CHRNG: variants seen among roughly 807,000 people sequenced by gnomAD.
CHRNG encodes cholinergic receptor nicotinic gamma subunit, also known as acetylcholine receptor subunit gamma.
CHRNG carries 72 observed loss-of-function variants against 65.2 expected under a neutral mutation model. The observed-to-expected ratio is 1.10, with a 90% confidence interval of 0.91 to 1.34. The LOEUF is 1.34. CHRNG is among the 40% of genes most tolerant of loss of function. The probability of loss-of-function intolerance (pLI) is 0.00; values close to 1 mark genes in which losing one functional copy is unlikely to be tolerated. For missense variants in CHRNG, 637 were observed against 680.1 expected (o/e 0.94, Z 0.70); for synonymous variants, 284 against 290.2 (o/e 0.98, Z 0.22).
Position 232,540,073 on chromosome 2 carries a change from G to A in CHRNG, c.137G>A (p.Arg46Gln), listed in dbSNP as rs755148348. The A allele has an allele frequency of 6.2e-6, 10 of 1,614,064 alleles. No individual in the cohort carries two copies. The highest frequency in any genetic ancestry group is 2.2e-5 in the East Asian group (1 of 44,896). ...NYDPNLRPAE[R>Q]DSDVVNVSLK... ...GACCCCAACCTGCGGCCCGCGGAAC[G>A]AGACTCGGATGTGGTCAATGTCAGC... is the stretch of plus-strand genomic sequence containing the variant. Residue 46 changes from arginine to glutamine, a missense_variant, in exon 2 of 12, where the codon CGA becomes CAA. Physicochemically the swap from Arg to Gln is conservative, Grantham distance 43. Transcript: ENST00000651502. The surrounding 1 kb of genome is among the most constrained non-coding windows in gnomAD (Gnocchi z 4.2).
rs759506724 is a variant in CHRNG, at chr2:232,541,356, C to T, written c.351-18C>T. ...CTGAGCCCACAGCCTCGTGGCCTGG[C>T]CTGTTCTGTGCATACAGCGTGGACG... is the stretch of plus-strand genomic sequence containing the variant. On this transcript the variant is annotated intron_variant, in intron 4 of 11. Coordinates refer to ENST00000651502, the MANE Select transcript of CHRNG (RefSeq NM_005199.5). This position sits in a 1 kb window ranked among gnomAD's most constrained non-coding sequence, Gnocchi z 4.0. 6.2e-7 allele frequency: 1 copy of T among 1,613,884 alleles called. No homozygotes were observed. Among genetic ancestry groups the T allele is most frequent in the South Asian group, 1.1e-5 (1 of 91,078 alleles).
At chr2:232,544,257 C>T (rs1692078009) in intron 9 of CHRNG, 110 bp from the exon 10 acceptor site, 16 of 861,580 alleles carry the variant, frequency 1.9e-5, no homozygotes, top group Non-Finnish European at 2.6e-5. Flanking sequence ...CACGTCACTG[C>T]CCCGGTATGC....
chr2:232,545,619 G>A lies in CHRNG; in HGVS notation c.1457G>A (p.Cys486Tyr), dbSNP rs751750221. The change falls in exon 12 of 12, where the codon TGT (cysteine) becomes TAT (tyrosine). Residue 486 changes from cysteine (C) to tyrosine (Y), a missense_variant. By Grantham distance (194) the Cys-to-Tyr change is radical. Coordinates refer to ENST00000651502, the MANE Select transcript of CHRNG (RefSeq NM_005199.5). ...CTGGCCATGCTCTCGCTCTTCATCTGTGGCACAGCTGGCATCTTCCTCATG... is the reference window on the plus strand; with the variant it reads ...CTGGCCATGCTCTCGCTCTTCATCTATGGCACAGCTGGCATCTTCCTCATG... The part of the protein sequence containing the change: ...CFLAMLSLFI[C>Y]GTAGIFLMAH... 52 of 1,614,030 alleles carry A rather than the reference G, an allele frequency of 3.2e-5. No homozygotes were observed. The highest frequency in any genetic ancestry group is 4.1e-5 in the Non-Finnish European group (48 of 1,180,038).
Position 232,545,756 on chromosome 2 carries a change from TG to T in CHRNG, c.*43del, listed in dbSNP as rs749601749. 2 of 1,606,064 alleles carry T rather than the reference TG, an allele frequency of 1.2e-6. No individual in the cohort carries two copies. Among genetic ancestry groups the T allele is most frequent in the African/African-American group, 1.3e-5 (1 of 74,934 alleles). On this transcript the variant is annotated 3_prime_UTR_variant, in exon 12 of 12. Coordinates refer to ENST00000651502, the MANE Select transcript of CHRNG (RefSeq NM_005199.5). ...GTGGGGCATGTGGGAGTCACACACG[TG>T]GGTCACACTGAGTCTTATCAGCCAC...
rs776737697 is a variant in CHRNG, at chr2:232,541,350, G to A, written c.351-24G>A. 6 of 1,613,786 alleles carry A rather than the reference G, an allele frequency of 3.7e-6. No homozygotes were observed. In the East Asian group the frequency reaches 6.7e-5, roughly 18 times the overall value. ...CGGGGGCTGAGCCCACAGCCTCGTGGCCTGGCCTGTTCTGTGCATACAGCG... is the reference window on the plus strand; with the variant it reads ...CGGGGGCTGAGCCCACAGCCTCGTGACCTGGCCTGTTCTGTGCATACAGCG... On this transcript the variant is annotated intron_variant, in intron 4 of 11. Transcript: ENST00000651502. The surrounding 1 kb of genome is among the most constrained non-coding windows in gnomAD (Gnocchi z 4.0).
Position 232,545,803 on chromosome 2 carries a change from A to G in CHRNG, c.*87A>G. 1 of 1,459,440 alleles carries G rather than the reference A, an allele frequency of 6.9e-7. No individual in the cohort carries two copies. The highest frequency in any genetic ancestry group is 9.6e-7 in the Non-Finnish European group (1 of 1,045,260). The allele number at this position is 1,459,440 out of a possible 1,614,324, so 90.4% of individuals were successfully genotyped here. A position where few individuals can be genotyped will look rare whatever the true frequency, so the allele number is the denominator to read the frequency against. On this transcript the variant is annotated 3_prime_UTR_variant, in exon 12 of 12. Transcript: ENST00000651502. ...GCCACGTTCTCCTACTGAGGTCCTAAGTGTGCTCTTTGGGAAGTGCCCTTC... is the reference window on the plus strand; with the variant it reads ...GCCACGTTCTCCTACTGAGGTCCTAGGTGTGCTCTTTGGGAAGTGCCCTTC...
In CHRNG at chr2:232,545,814, T is replaced by G; in HGVS notation, c.*98T>G. ...CTACTGAGGTCCTAAGTGTGCTCTT[T>G]GGGAAGTGCCCTTCAGGACTGTGTG... On this transcript the variant is annotated 3_prime_UTR_variant, in exon 12 of 12. Coordinates refer to ENST00000651502, the MANE Select transcript of CHRNG (RefSeq NM_005199.5). 7.3e-7 allele frequency: 1 copy of G among 1,365,644 alleles called. No individual in the cohort carries two copies. Among genetic ancestry groups the G allele is most frequent in the Non-Finnish European group, 1.0e-6 (1 of 963,394 alleles). 84.6% of individuals were successfully genotyped at this position (1,365,644 alleles called of 1,614,324 possible).
chr2:232,543,648 T>C lies in CHRNG; in HGVS notation c.984T>C (p.Asn328=). The C allele has an allele frequency of 6.2e-7, 1 of 1,613,992 alleles. No individual in the cohort carries two copies. The highest frequency in any genetic ancestry group is 8.5e-7 in the Non-Finnish European group (1 of 1,179,912). ...TCGTGAATGCTGTGGTTGTGCTCAA[T>C]GTCTCCTTGCGGTCTCCACACACAC... ...LIVVNAVVVL[N]VSLRSPHTHS... is the part of the protein sequence containing the mutation. Residue 328 remains asparagine, a synonymous_variant, in exon 9 of 12, where the codon AAT becomes AAC. Coordinates refer to ENST00000651502, the MANE Select transcript of CHRNG (RefSeq NM_005199.5).
At position 232,544,786 on chromosome 2, in the gene CHRNG, T is replaced by C; in HGVS notation, c.1264T>C (p.Leu422=). The change falls in exon 11 of 12, where the codon TTA becomes CTA. Residue 422 remains leucine, a synonymous_variant. Coordinates refer to ENST00000651502, the MANE Select transcript of CHRNG (RefSeq NM_005199.5). ...ALEKLEKGPE[L]GLSQFCGSLK... is the part of the protein sequence containing the mutation. ...CTCTTTATCAGAGAAAGGCCCGGAG[T>C]TAGGGCTGAGCCAGTTCTGTGGCAG... The C allele has an allele frequency of 5.0e-6, 8 of 1,613,926 alleles. No homozygotes were observed. Among genetic ancestry groups the C allele is most frequent in the Non-Finnish European group, 6.8e-6 (8 of 1,179,978 alleles).
Position 232,541,663 on chromosome 2 carries a change from C to A in CHRNG, c.506+134C>A. On this transcript the variant is annotated intron_variant, in intron 5 of 11. Transcript: ENST00000651502. The surrounding 1 kb of genome is among the most constrained non-coding windows in gnomAD (Gnocchi z 4.0). The stretch of plus-strand genomic sequence containing the variant: ...GAGGCCTGGCTCCATCTCCCCTGGG[C>A]CTCTGTGCCCATCTCAGGCTAAGAC... 9.0e-7 allele frequency: 1 copy of A among 1,105,618 alleles called. No homozygotes were observed. Among genetic ancestry groups the A allele is most frequent in the Non-Finnish European group, 1.4e-6 (1 of 738,778 alleles). 68.5% of individuals were successfully genotyped at this position (1,105,618 alleles called of 1,614,324 possible).
chr2:232,543,481 C>T (rs952623141), intron 8 of CHRNG, 92 bp downstream of exon 8: 1 of 984,920 alleles, frequency 1.0e-6, no homozygotes, highest in African/African-American at 2.9e-5. Context: ...CCTCCATCCA[C>T]CCCCCCCATC....
rs772412938 is a variant in CHRNG at position 232,543,711 on chromosome 2, C to T, written c.1035+12C>T. ...GAGGGGTCCGCAAGGCAAGGACCCT[C>T]CCTGCCCACTTCAACATCCCGCTGC... is the stretch of plus-strand genomic sequence containing the variant. On this transcript the variant is annotated intron_variant, in intron 9 of 11. Coordinates refer to ENST00000651502, the MANE Select transcript of CHRNG (RefSeq NM_005199.5). The T allele has an allele frequency of 2.0e-5, 30 of 1,519,978 alleles. No homozygotes were observed. The highest frequency in any genetic ancestry group is 2.6e-5 in the Non-Finnish European group (28 of 1,094,732). The allele number at this position is 1,519,978 out of a possible 1,614,324, so 94.2% of individuals were successfully genotyped here. A position where few individuals can be genotyped will look rare whatever the true frequency, so the allele number is the denominator to read the frequency against.
chr2:232,542,981 T>C lies in CHRNG; in HGVS notation c.704T>C (p.Leu235Pro), dbSNP rs1290080982. The C allele has an allele frequency of 1.2e-6, 2 of 1,614,092 alleles. No individual in the cohort carries two copies. Among genetic ancestry groups the C allele is most frequent in the East Asian group, 2.2e-5 (1 of 44,890 alleles). Residue 235 changes from leucine (L) to proline (P), a missense_variant, in exon 7 of 12, where the codon CTG (leucine) becomes CCG (proline). Coordinates refer to ENST00000651502, the MANE Select transcript of CHRNG (RefSeq NM_005199.5). ...EAGHQKVVFY[L>P]LIQRKPLFYV... ...GGCCACCAGAAGGTGGTGTTCTACC[T>C]GCTCATCCAGCGCAAGCCCCTCTTC...
chr2:232,542,575 C>A, intron 6 of CHRNG, 55 bp downstream of exon 6: 1 of 1,249,760 alleles, frequency 8.0e-7, no homozygotes, highest in South Asian at 1.2e-5. Flanking sequence ...CCTGCTGGAC[C>A]CAGCTGTGGT....
intron 8 of CHRNG, 76 bp downstream of exon 8, chr2:232,543,465 T>C (rs1220499910): frequency 2.4e-6 from 3 of 1,267,822 alleles, no homozygotes; most frequent in Non-Finnish European, 3.4e-6. Flanking sequence ...TGCATTGCCC[T>C]CTTGCCCTCC....
intron 10 of CHRNG, 32 bp downstream of exon 10, chr2:232,544,612 C>G (rs761112171): frequency 6.3e-7 from 1 of 1,589,086 alleles, no homozygotes; most frequent in Non-Finnish European, 8.6e-7. Flanking sequence ...TGGGGACAGT[C>G]CTCCCCTGGG....
chr2:232,543,452 T>C, intron 8 of CHRNG, 63 bp downstream of exon 8: 1 of 1,334,284 alleles, frequency 7.5e-7, no homozygotes, highest in Non-Finnish European at 1.1e-6. Context: ...CATGATGGCC[T>C]CCTGCATTGC....
In CHRNG at chr2:232,543,713, C is replaced by T; in HGVS notation, c.1035+14C>T. 2 of 1,488,082 alleles carry T rather than the reference C, an allele frequency of 1.3e-6. No individual in the cohort carries two copies. The highest frequency in any genetic ancestry group is 1.9e-6 in the Non-Finnish European group (2 of 1,065,524). The allele number at this position is 1,488,082 out of a possible 1,614,324, so 92.2% of individuals were successfully genotyped here. A position where few individuals can be genotyped will look rare whatever the true frequency, so the allele number is the denominator to read the frequency against. ...GGGGTCCGCAAGGCAAGGACCCTCC[C>T]TGCCCACTTCAACATCCCGCTGCCC... On this transcript the variant is annotated intron_variant, in intron 9 of 11. Coordinates refer to ENST00000651502, the MANE Select transcript of CHRNG (RefSeq NM_005199.5).
Position 232,547,884 on chromosome 2 carries a change from A to G in CHRNG, c.*2168A>G. On this transcript the variant is annotated 3_prime_UTR_variant, in exon 12 of 12. Transcript: ENST00000651502. ...AGTTACTGTCTCATGGGATCCATACAGCAACCTAAGGAGGTAGGTCGAGGC... is the reference window on the plus strand; with the variant it reads ...AGTTACTGTCTCATGGGATCCATACGGCAACCTAAGGAGGTAGGTCGAGGC... 1 of 401,088 alleles carries G rather than the reference A, an allele frequency of 2.5e-6. No homozygotes were observed. The highest frequency in any genetic ancestry group is 4.4e-6 in the Non-Finnish European group (1 of 228,394). The allele number at this position is 401,088 out of a possible 1,614,324, so 24.8% of individuals were successfully genotyped here.
Sources: gnomAD v4.1 joint callset for allele counts on GRCh38, gnomAD v4.1.1 for gene constraint, Gnocchi (gnomAD v3.1) non-coding constraint, MANE v1.5 for transcripts, NCBI Gene and HGNC (gene_info 2026-07-23, HGNC 2026-07-21) for gene names.